The following DGKH variants were observed in gnomAD, a reference collection of about 807,000 sequenced individuals.
DGKH encodes diacylglycerol kinase eta.
A neutral mutation model predicts 159.3 loss-of-function variants in DGKH; 90 were observed. The ratio of observed to expected loss-of-function variants is 0.57; its 90% confidence interval spans 0.48 to 0.67. The LOEUF is 0.67. DGKH is among the 30% of genes least tolerant of loss of function. DGKH has a pLI of 0.00. For synonymous variants in DGKH, 536 were observed against 553.8 expected, an observed-to-expected ratio of 0.97 and a Z score of 0.45; for missense variants, 1,181 against 1,506.1, an observed-to-expected ratio of 0.78 and a Z score of 3.57.
At chr13:42,068,171 A>C (rs747742218) in intron 1 of DGKH, among the ~76,000 whole-genome samples, 15 of 152,228 alleles carry the variant, frequency 9.9e-5, no homozygotes, top group Non-Finnish European at 1.6e-4. Flanking sequence ...GGTAGGCAAC[A>C]AACCATAGTG....
At chr13:42,219,606 C>A (rs1268589329) in intron 27 of DGKH, 80 bp from the exon 28 acceptor site, 3 of 1,358,472 alleles carry the variant, frequency 2.2e-6, no homozygotes, top group Admixed American at 2.3e-5. Flanking sequence ...TAACTTATTC[C>A]TGTGTTATCC....
intron 13 of DGKH, among the ~76,000 whole-genome samples, chr13:42,179,780 CA>C (rs3039209): frequency 7.4e-4 from 96 of 129,416 alleles, no homozygotes; most frequent in Non-Finnish European, 7.4e-4. Flanking sequence ...GATCTTGTCT[CA>C]AAAAAAAAAA....
intron 1 of DGKH, among the ~76,000 whole-genome samples, chr13:42,076,011 T>A (rs759509418): frequency 5.3e-5 from 8 of 152,242 alleles, no homozygotes; most frequent in African/African-American, 9.6e-5. Context: ...TTCAATGTGA[T>A]TCTACTTTCC....
At position 42,210,783 on chromosome 13, in the gene DGKH, C is replaced by T; in HGVS notation, c.3014+18C>T. The T allele has an allele frequency of 1.3e-6, 2 of 1,598,656 alleles. No individual in the cohort carries two copies. Among genetic ancestry groups the T allele is most frequent in the South Asian group, 2.3e-5 (2 of 88,474 alleles). ...ATTACTAGGTAGGGGGCTCTGCTGA[C>T]TTTTCAGGCTGTGGGAACTGTGGTC... On this transcript the variant is annotated intron_variant, in intron 24 of 29. Coordinates refer to ENST00000337343, the MANE Select transcript of DGKH (RefSeq NM_178009.5).
intron 1 of DGKH, among the ~76,000 whole-genome samples, chr13:42,095,626 A>T (rs940431402): frequency 1.3e-5 from 2 of 152,214 alleles, no homozygotes; most frequent in Non-Finnish European, 2.9e-5. Context: ...CCTTCAAAGA[A>T]AAGCAAAGGA....
intron 1 of DGKH, among the ~76,000 whole-genome samples, chr13:42,090,066 G>T (rs918687053): frequency 6.6e-6 from 1 of 152,126 alleles, no homozygotes; most frequent in Non-Finnish European, 1.5e-5. Flanking sequence ...GGAAAAGTTG[G>T]GTGAAATCCC....
rs1419827942 is a variant in DGKH at position 42,170,384 on chromosome 13, A to G, written c.1367+1566A>G. On this transcript the variant is annotated intron_variant, in intron 11 of 29. Transcript: ENST00000337343. ...GCCACAATTGCACCACTGCCCTACA[A>G]TCTGGGCGACAGAGTGAGACCCTGT... is the stretch of plus-strand genomic sequence containing the variant. Among the ~76,000 whole-genome samples the G allele has an allele frequency of 1.3e-5, 2 of 152,024 alleles. 1 individual carries two copies. The highest frequency in any genetic ancestry group is 4.8e-5 in the African/African-American group (2 of 41,402).
intron 29 of DGKH, among the ~76,000 whole-genome samples, chr13:42,228,716 AAAG>A (rs869141701): frequency 6.8e-6 from 1 of 147,950 alleles, no homozygotes; most frequent in Non-Finnish European, 1.5e-5. Context: ...AGAAAGAAAG[AAAG>A]AAAAGAAAGA....
chr13:42,140,097 A>C (rs1955505555), intron 3 of DGKH, among the ~76,000 whole-genome samples: 1 of 152,162 alleles, frequency 6.6e-6, no homozygotes, highest in Non-Finnish European at 1.5e-5. Context: ...CCCCCCTCCC[A>C]GTATTTCTGA....
intron 1 of DGKH, among the ~76,000 whole-genome samples, chr13:42,087,774 TG>T (rs1954336739): frequency 6.7e-6 from 1 of 149,840 alleles, no homozygotes; most frequent in South Asian, 2.1e-4. Context: ...CAATGAGCTG[TG>T]GGACAGTATC....
At chr13:42,223,987 A>G (rs1479912198) in intron 29 of DGKH, among the ~76,000 whole-genome samples, 2 of 152,168 alleles carry the variant, frequency 1.3e-5, no homozygotes, top group Non-Finnish European at 1.5e-5. Context: ...GAGTGAGAAC[A>G]TGCAATGTTT....
intron 19 of DGKH, 31 bp downstream of exon 19, chr13:42,199,707 C>A: frequency 1.3e-6 from 2 of 1,562,636 alleles, no homozygotes; most frequent in East Asian, 2.3e-5. Context: ...AATGCTATTA[C>A]ATAAAGGCAA....
In DGKH at chr13:42,167,199, T is replaced by C. The variant is rs938859906; in HGVS notation, c.1118+525T>C. Reference sequence around the variant, plus strand: ...AATCTGTAAGATAAAATGAACTAAGTGGTATTTTCACTGAGGGAAAATATA... The same window carrying C: ...AATCTGTAAGATAAAATGAACTAAGCGGTATTTTCACTGAGGGAAAATATA... On this transcript the variant is annotated intron_variant, in intron 9 of 29. Transcript: ENST00000337343. 1.3e-4 allele frequency among the ~76,000 whole-genome samples: 20 copies of C among 152,298 alleles called. 1 individual carries two copies. Among genetic ancestry groups the C allele is most frequent in the Admixed American group, 9.8e-4 (15 of 15,290 alleles).
chr13:42,150,035 T>A (rs915640350), intron 3 of DGKH, among the ~76,000 whole-genome samples: 1 of 152,220 alleles, frequency 6.6e-6, no homozygotes, highest in Non-Finnish European at 1.5e-5. Flanking sequence ...GTAGTATTAA[T>A]TGACTTTAGT....
chr13:42,173,844 T>A (rs1956528017), intron 11 of DGKH, among the ~76,000 whole-genome samples: 1 of 152,132 alleles, frequency 6.6e-6, no homozygotes, highest in Non-Finnish European at 1.5e-5. Flanking sequence ...GATGTAGAAA[T>A]CATAAATTAT....
In DGKH at chr13:42,127,548, C is replaced by T; in HGVS notation, c.278C>T (p.Thr93Ile). ...KKRYFKLRGR[T>I]LYYAKDSKSL... ...CGATACTTCAAACTTCGAGGCCGCA[C>T]CCTTTACTATGCAAAGGACTCAAAG... The change falls in exon 2 of 30, where the codon ACC becomes ATC. Residue 93 changes from threonine (T) to isoleucine (I), a missense_variant. Physicochemically the swap from Thr to Ile is moderately conservative, Grantham distance 89. This residue lies in a region of DGKH where 136 missense variants were observed against 132.2 expected (regional missense o/e 1.03). Coordinates refer to ENST00000337343, the MANE Select transcript of DGKH (RefSeq NM_178009.5). 1 of 1,613,688 alleles carries T rather than the reference C, an allele frequency of 6.2e-7. No individual in the cohort carries two copies.
intron 28 of DGKH, chr13:42,221,052 C>G: frequency 2.0e-6 from 1 of 507,940 alleles, no homozygotes; most frequent in Non-Finnish European, 3.3e-6. Flanking sequence ...TGCACGGCAG[C>G]AAATGGTTTT....
chr13:42,182,351 C>A (rs1956787176), intron 13 of DGKH, among the ~76,000 whole-genome samples: 1 of 152,194 alleles, frequency 6.6e-6, no homozygotes, highest in Non-Finnish European at 1.5e-5. Flanking sequence ...GCTACAGTAT[C>A]TCTAAGAACA....
At chr13:42,105,019 A>G (rs1313713673) in intron 1 of DGKH, among the ~76,000 whole-genome samples, 1 of 150,440 alleles carries the variant, frequency 6.6e-6, no homozygotes, top group Non-Finnish European at 1.5e-5. Flanking sequence ...ATGTACATAC[A>G]TATGTATGTA....
Sources: gnomAD v4.1 joint callset for allele counts (sites outside exome capture counted in the v4.1 genomes callset) on GRCh38, gnomAD v4.1.1 for gene constraint, gnomAD v4.1.1 regional missense constraint, MANE v1.5 for transcripts, NCBI Gene and HGNC (gene_info 2026-07-23, HGNC 2026-07-21) for gene names.